Variants in NAA38 observed in about 807,000 individuals in gnomAD.
The protein encoded by NAA38 is N-alpha-acetyltransferase 38, NatC auxiliary subunit, also known as LSM domain containing 1.
A neutral mutation model predicts 12.6 loss-of-function variants in NAA38; 15 were observed. The observed-to-expected ratio is 1.19, with a 90% CI of 0.79 to 1.83. NAA38 has a LOEUF of 1.83. Among genes scored for constraint, NAA38 ranks in the 40% most tolerant of loss-of-function variants. The pLI is 0.00. For synonymous variants in NAA38, 88 were observed against 69.9 expected (o/e 1.26, Z -1.29); for missense variants, 183 against 171.7 (o/e 1.07, Z -0.37).
At chr17:7,857,904 T>G, upstream of NAA38, 4 of 1,412,942 alleles carry the variant, frequency 2.8e-6, no homozygotes, top group Non-Finnish European at 2.8e-6. Context: ...TTGATCCTTA[T>G]ATGCCCCACG....
At chr17:7,867,425 G>A (rs111679704) in intron 2 of NAA38, among the ~76,000 whole-genome samples, 4 of 152,002 alleles carry the variant, frequency 2.6e-5, no homozygotes, top group Non-Finnish European at 4.4e-5. Flanking sequence ...TGCAACCTTC[G>A]CCTCCCAGGT....
chr17:7,866,986 C>T (rs1223521567), intron 2 of NAA38, among the ~76,000 whole-genome samples: 1 of 152,134 alleles, frequency 6.6e-6, no homozygotes, highest in African/African-American at 2.4e-5. Context: ...TTCGGGGGGA[C>T]CAAGCCTTCT....
intron 1 of NAA38, chr17:7,884,727 A>AGGAGGAGGT (rs1967471954): frequency 9.3e-6 from 2 of 215,844 alleles, no homozygotes; most frequent in Non-Finnish European, 1.6e-5. Context: ...GAGGAGGAGG[A>AGGAGGAGGT]GGAGGAGGTG....
chr17:7,878,347 C>T (rs1188476107), intron 2 of NAA38, among the ~76,000 whole-genome samples: 2 of 151,388 alleles, frequency 1.3e-5, no homozygotes, highest in Admixed American at 1.3e-4. Context: ...AGCAGTAAAT[C>T]CTAGACTTTT....
At chr17:7,869,761 TCCAA>T in intron 2 of NAA38, among the ~76,000 whole-genome samples, 1 of 151,426 alleles carries the variant, frequency 6.6e-6, no homozygotes, top group East Asian at 1.9e-4. Context: ...AGACTCCGTC[TCCAA>T]AAAAAAGAAA....
chr17:7,868,301 C>T lies in NAA38; in HGVS notation c.-65-1743G>A, dbSNP rs533609792. Among the ~76,000 whole-genome samples, 105 of 152,252 alleles carry T rather than the reference C, an allele frequency of 6.9e-4. 1 individual carries two copies. The Middle Eastern group carries it at 0.01, about 15-fold the overall frequency. On this transcript the variant is annotated intron_variant, in intron 2 of 4. Coordinates refer to the NAA38 transcript ENST00000576861. The stretch of plus-strand genomic sequence containing the variant: ...GGGGAGCGGCCAACAGTATAAAGTG[C>T]TGCACAGAGGTCACGTAAGATGAAG...
In NAA38 at chr17:7,857,425, C is replaced by A. The variant is rs764815714; in HGVS notation, c.39G>T (p.Glu13Asp). 2 of 1,590,982 alleles carry A rather than the reference C, an allele frequency of 1.3e-6. No homozygotes were observed. Among genetic ancestry groups the A allele is most frequent in the African/African-American group, 1.4e-5 (1 of 73,596 alleles). The part of the protein sequence containing the change: ...GAGPTMLLRE[E>D]NGCCSRRQSS... The stretch of plus-strand genomic sequence containing the variant: ...TCTGACGCCGACTGCAACAGCCATT[C>A]TCTTCTCGTAGCAGCATGGTCGGTC... The change falls in exon 1 of 3, where the codon GAG (glutamate) becomes GAT (aspartate). Residue 13 changes from glutamate (E) to aspartate (D), a missense_variant. Glu to Asp is a conservative substitution (Grantham distance 45). Coordinates refer to ENST00000575771, the MANE Select transcript of NAA38 (RefSeq NM_001320925.4).
At chr17:7,879,005 T>C (rs915207315) in intron 2 of NAA38, among the ~76,000 whole-genome samples, 1 of 151,000 alleles carries the variant, frequency 6.6e-6, no homozygotes, top group Non-Finnish European at 1.5e-5. Context: ...ATTTATCCTA[T>C]ATAAATATAC....
At chr17:7,872,586 C>T (rs184401722) in intron 2 of NAA38, among the ~76,000 whole-genome samples, 1 of 152,368 alleles carries the variant, frequency 6.6e-6, no homozygotes, top group African/African-American at 2.4e-5. Flanking sequence ...TGGTCTTGAA[C>T]TCCTGACCTT....
chr17:7,866,808 CTG>C (rs754364752), intron 2 of NAA38, among the ~76,000 whole-genome samples: 2 of 152,190 alleles, frequency 1.3e-5, no homozygotes, highest in Non-Finnish European at 2.9e-5. Context: ...CCTTCTTAGA[CTG>C]TAAGTACCAT....
intron 2 of NAA38, among the ~76,000 whole-genome samples, chr17:7,869,900 G>A (rs1458256202): frequency 6.6e-6 from 1 of 152,226 alleles, no homozygotes; most frequent in East Asian, 1.9e-4. Flanking sequence ...ATAACCTAAA[G>A]GATAGTTAAT....
upstream of NAA38, chr17:7,857,809 T>C: frequency 3.8e-6 from 5 of 1,327,488 alleles, no homozygotes; most frequent in South Asian, 3.8e-5. Flanking sequence ...AAATATCCCA[T>C]GTAGCCCAGG....
chr17:7,873,450 T>C (rs1967121134), intron 2 of NAA38, among the ~76,000 whole-genome samples: 1 of 151,802 alleles, frequency 6.6e-6, no homozygotes, highest in Admixed American at 6.6e-5. Context: ...GGAAAATGAG[T>C]AGGGAAGTAG....
upstream of NAA38, chr17:7,861,934 GAC>G (rs1303226579): frequency 1.3e-5 from 2 of 152,168 alleles, no homozygotes; most frequent in African/African-American, 4.8e-5. Flanking sequence ...CTATGGCCTA[GAC>G]ACACTGGCTT....
upstream of NAA38, chr17:7,858,202 C>T (rs146292470): frequency 2.5e-6 from 4 of 1,613,948 alleles, no homozygotes; most frequent in Admixed American, 1.7e-5. Context: ...TTCACGCCGG[C>T]GGAGGTGGCC....
intron 1 of NAA38, among the ~76,000 whole-genome samples, chr17:7,884,071 A>AACACACACACACACACACACACACAC (rs149257134): frequency 1.3e-4 from 20 of 148,550 alleles, no homozygotes; most frequent in African/African-American, 5.0e-4. Context: ...ATGCCCCCCC[A>AACACACACACACACACACACACACAC]ACACACACAC....
chr17:7,874,885 CAAAAAAAAAA>C (rs35962141), intron 2 of NAA38, among the ~76,000 whole-genome samples: 3 of 45,494 alleles, frequency 6.6e-5, no homozygotes, highest in Admixed American at 2.6e-4. Flanking sequence ...AACTCCATCT[CAAAAAAAAAA>C]AAAAAAAAAA....
chr17:7,856,709 T>G lies in NAA38; in HGVS notation c.*22A>C. On this transcript the variant is annotated 3_prime_UTR_variant, in exon 3 of 3. Transcript: ENST00000575771. ...ATTCGGTCATAAGTTTAATGAAGTC[T>G]GAAAGGTAAGCGCCATCGTGGTCAG... 1 of 1,595,074 alleles carries G rather than the reference T, an allele frequency of 6.3e-7. No homozygotes were observed. Among genetic ancestry groups the G allele is most frequent in the East Asian group, 2.2e-5 (1 of 44,792 alleles).
chr17:7,857,976 C>T, upstream of NAA38: 4 of 1,485,752 alleles, frequency 2.7e-6, no homozygotes, highest in Non-Finnish European at 3.6e-6. Context: ...TGATATTTAT[C>T]TCAGTGGACG....
Sources: gnomAD v4.1 joint callset for allele counts (sites outside exome capture counted in the v4.1 genomes callset) on GRCh38, gnomAD v4.1.1 for gene constraint, MANE v1.5 for transcripts, NCBI Gene and HGNC (gene_info 2026-07-23, HGNC 2026-07-21) for gene names.